The following PCDHA6 variants were observed in gnomAD, a reference collection of about 807,000 sequenced individuals.
The protein encoded by PCDHA6 is protocadherin alpha-6.
Under a neutral mutation model 60.3 loss-of-function variants are expected in PCDHA6, and 55 were observed. That is an observed-to-expected ratio of 0.91 (90% CI 0.73 to 1.14). PCDHA6 has a LOEUF of 1.14. PCDHA6 is among the 50% of genes most tolerant of loss of function. The probability of loss-of-function intolerance (pLI) is 0.00; values close to 1 mark genes in which losing one functional copy is unlikely to be tolerated. For synonymous variants in PCDHA6, 652 were observed against 557.9 expected, an observed-to-expected ratio of 1.17 and a Z score of -2.38; for missense variants, 1,327 against 1,256.5, an observed-to-expected ratio of 1.06 and a Z score of -0.85.
At chr5:140,966,395 T>A in intron 1 of PCDHA6, 1 of 404,602 alleles carries the variant, frequency 2.5e-6, no homozygotes, top group Non-Finnish European at 4.3e-6. Flanking sequence ...GTCCGCCACT[T>A]CGGCGCGGAA....
At position 140,876,440 on chromosome 5, in the gene PCDHA6, T is replaced by C. The variant is rs369023443; in HGVS notation, c.2394+45955T>C. 23 of 1,613,876 alleles carry C rather than the reference T, an allele frequency of 1.4e-5. No individual in the cohort carries two copies. In the Admixed American group the frequency reaches 1.5e-4, roughly 11 times the overall value. On this transcript the variant is annotated intron_variant, in intron 1 of 3. Transcript: ENST00000529310. ...GCCTATGAAATTCAGGTTAACGCCA[T>C]TGATAAAGGGATTCCTTCCATGGCA...
intron 1 of PCDHA6, among the ~76,000 whole-genome samples, chr5:140,972,402 G>A (rs1554234110): frequency 6.6e-6 from 1 of 151,784 alleles, no homozygotes; most frequent in Non-Finnish European, 1.5e-5. Context: ...TTCACTATTG[G>A]CAAACCCTGT....
chr5:141,008,530 A>G (rs1176119695), intron 3 of PCDHA6, among the ~76,000 whole-genome samples: 2 of 152,128 alleles, frequency 1.3e-5, no homozygotes, highest in African/African-American at 4.8e-5. Context: ...ACTCTTGGGA[A>G]TGTCTTTTAT....
At chr5:140,907,411 GA>G (rs1435126945) in intron 1 of PCDHA6, among the ~76,000 whole-genome samples, 1 of 152,192 alleles carries the variant, frequency 6.6e-6, no homozygotes, top group Non-Finnish European at 1.5e-5. Flanking sequence ...GGAATACCAC[GA>G]TGGTGGATAA....
rs1446194845 is a variant in PCDHA6 at position 140,858,041 on chromosome 5, C to T, written c.2394+27556C>T. 8 of 1,596,732 alleles carry T rather than the reference C, an allele frequency of 5.0e-6. No homozygotes were observed. The African/African-American group carries it at 6.8e-5, about 14-fold the overall frequency. On this transcript the variant is annotated intron_variant, in intron 1 of 3. Transcript: ENST00000529310. ...GTCGCTGACGGCCACGGCCACTGTG[C>T]TTGTGTCGCTTGTGGAGGGCAGCCA...
intron 3 of PCDHA6, among the ~76,000 whole-genome samples, chr5:141,003,504 G>A (rs1336599901): frequency 9.2e-5 from 14 of 152,020 alleles, no homozygotes; most frequent in African/African-American, 3.4e-4. Context: ...GTAGAGATGG[G>A]GTTTCACCAT....
At chr5:140,859,226 A>G (rs190980812) in intron 1 of PCDHA6, 1 of 149,940 alleles carries the variant, frequency 6.7e-6, no homozygotes, top group East Asian at 1.9e-4. Flanking sequence ...ACTTTAAGGA[A>G]GGAGTCATGC....
chr5:140,992,681 G>A (rs575311513), intron 3 of PCDHA6, among the ~76,000 whole-genome samples: 2 of 152,286 alleles, frequency 1.3e-5, no homozygotes, highest in South Asian at 4.2e-4. Flanking sequence ...TGTGTGTTAG[G>A]GGTTGAGGGG....
intron 1 of PCDHA6, chr5:140,842,447 G>T (rs200777298): frequency 6.2e-7 from 1 of 1,613,672 alleles, no homozygotes; most frequent in African/African-American, 1.3e-5. Flanking sequence ...TAGCGTGAAC[G>T]ACCTCGATTC....
intron 3 of PCDHA6, among the ~76,000 whole-genome samples, chr5:140,988,245 G>C (rs17286877): frequency 0.027 from 4,184 of 152,286 alleles, 88 homozygotes; most frequent in Non-Finnish European, 0.043. Flanking sequence ...GAGTGGGGCA[G>C]CTCCCGCCTG....
chr5:140,870,276 C>T (rs1554163984), intron 1 of PCDHA6: 3 of 1,614,170 alleles, frequency 1.9e-6, no homozygotes, highest in South Asian at 1.1e-5. Context: ...TGACGCCCCA[C>T]GTTCCCTTCA....
At position 140,841,428 on chromosome 5, in the gene PCDHA6, C is replaced by A. The variant is rs2150315251; in HGVS notation, c.2394+10943C>A. Reference sequence around the variant, plus strand: ...AGCGGCCAGCTCCACTACTCCGTCCCCGAGGAGGCCAAACACGGCACCTTC... The same window carrying A: ...AGCGGCCAGCTCCACTACTCCGTCCACGAGGAGGCCAAACACGGCACCTTC... On this transcript the variant is annotated intron_variant, in intron 1 of 3. Coordinates refer to ENST00000529310, the MANE Select transcript of PCDHA6 (RefSeq NM_018909.4). The A allele has an allele frequency of 7.4e-6, 12 of 1,612,842 alleles. No homozygotes were observed. The highest frequency in any genetic ancestry group is 5.0e-5 in the Admixed American group (3 of 59,990).
At chr5:140,980,094 TA>T (rs1554241421) in intron 2 of PCDHA6, among the ~76,000 whole-genome samples, 1 of 152,218 alleles carries the variant, frequency 6.6e-6, no homozygotes, top group African/African-American at 2.4e-5. Context: ...GTTGGCTTGG[TA>T]AGATGTCACA....
rs2150477113 is a variant in PCDHA6, at chr5:140,850,276, T to G, written c.2394+19791T>G. 19 of 1,594,568 alleles carry G rather than the reference T, an allele frequency of 1.2e-5. 1 individual carries two copies. The highest frequency in any genetic ancestry group is 1.5e-5 in the Non-Finnish European group (18 of 1,167,356). ...GGCGCCGGCGTAGTGGTGGGGAAGG[T>G]GCGCGCAGTGGACGCCGACTCGGGC... is the stretch of plus-strand genomic sequence containing the variant. On this transcript the variant is annotated intron_variant, in intron 1 of 3. Coordinates refer to ENST00000529310, the MANE Select transcript of PCDHA6 (RefSeq NM_018909.4).
At chr5:140,841,566 G>A (rs2150318318) in intron 1 of PCDHA6, 14 of 1,613,814 alleles carry the variant, frequency 8.7e-6, no homozygotes, top group African/African-American at 4.0e-5. Context: ...CTGCAGAATG[G>A]CATTTTGTTT....
intron 1 of PCDHA6, chr5:140,877,544 C>A (rs782624202): frequency 6.2e-7 from 1 of 1,613,676 alleles, no homozygotes; most frequent in African/African-American, 1.3e-5. Context: ...GATCCCGAAG[C>A]GGCTCTGGTG....
intron 3 of PCDHA6, among the ~76,000 whole-genome samples, chr5:140,998,180 A>C (rs2097799784): frequency 6.6e-6 from 1 of 152,122 alleles, no homozygotes; most frequent in East Asian, 1.9e-4. Context: ...TATTCTAAGC[A>C]CTTTACAAGT....
At chr5:140,941,253 T>TTCTTTCTTTCTC (rs1563187863) in intron 1 of PCDHA6, among the ~76,000 whole-genome samples, 4 of 64,962 alleles carry the variant, frequency 6.2e-5, no homozygotes, top group Non-Finnish European at 1.0e-4. Flanking sequence ...CTTTCTTTCT[T>TTCTTTCTTTCTC]TCTCTTTCTT....
At chr5:140,870,773 A>C (rs1554164699) in intron 1 of PCDHA6, 1 of 1,613,598 alleles carries the variant, frequency 6.2e-7, no homozygotes, top group Admixed American at 1.7e-5. Context: ...GTGCTGGACG[A>C]GAACGACAAC....
Sources: allele counts gnomAD v4.1 joint callset (sites outside exome capture counted in the v4.1 genomes callset), GRCh38; gene constraint gnomAD v4.1.1; transcripts MANE v1.5; gene names NCBI Gene and HGNC (gene_info 2026-07-23, HGNC 2026-07-21).